The following ZNF292 variants were observed in gnomAD, a reference collection of about 807,000 sequenced individuals.
The protein encoded by ZNF292 is zinc finger protein 292.
In ZNF292, 26 loss-of-function variants were observed where a neutral mutation model predicts 217.9. The observed-to-expected ratio is 0.12, with a 90% CI of 0.09 to 0.17. ZNF292 has a LOEUF of 0.17. ZNF292 is among the 10% of genes least tolerant of loss of function. The pLI, the probability that ZNF292 is intolerant of heterozygous loss-of-function variation, is 1.00. For missense variants in ZNF292, 2,904 were observed against 3,175.2 expected, an observed-to-expected ratio of 0.91 and a Z score of 2.05; for synonymous variants, 1,257 against 1,124.1, an observed-to-expected ratio of 1.12 and a Z score of -2.37.
At chr6:87,160,181 AT>A (rs1420160316) in intron 1 of ZNF292, among the ~76,000 whole-genome samples, 1 of 152,218 alleles carries the variant, frequency 6.6e-6, no homozygotes, top group Non-Finnish European at 1.5e-5. Flanking sequence ...TGATTTATAT[AT>A]TTTATCACTG....
In ZNF292 at chr6:87,258,419, A is replaced by C. The variant is rs1463178574; in HGVS notation, c.4790A>C (p.Gln1597Pro). 6.2e-7 allele frequency: 1 copy of C among 1,613,720 alleles called. No individual in the cohort carries two copies. The highest frequency in any genetic ancestry group is 1.7e-5 in the Admixed American group (1 of 59,910). The part of the protein sequence containing the change: ...SSFPNSGGPS[Q>P]NFTSNSSRVS... Reference sequence around the variant, plus strand: ...TTTCCTAATTCTGGTGGGCCATCACAAAATTTTACCAGTAACAGTTCTCGT... The same window carrying C: ...TTTCCTAATTCTGGTGGGCCATCACCAAATTTTACCAGTAACAGTTCTCGT... Residue 1597 changes from glutamine to proline, a missense_variant, in exon 8 of 8, where the codon CAA becomes CCA. Transcript: ENST00000369577.
intron 1 of ZNF292, among the ~76,000 whole-genome samples, chr6:87,210,853 A>G (rs1772451938): frequency 2.6e-5 from 4 of 152,150 alleles, no homozygotes. Flanking sequence ...TCTCAGTGGG[A>G]GATCTTGGGT....
In ZNF292 at chr6:87,260,575, C is replaced by T. The variant is rs201424493; in HGVS notation, c.6946C>T (p.Arg2316Trp). 459 of 1,612,722 alleles carry T rather than the reference C, an allele frequency of 2.8e-4. No homozygotes were observed. The highest frequency in any genetic ancestry group is 3.5e-4 in the Non-Finnish European group (414 of 1,179,590). Residue 2316 changes from arginine to tryptophan, a missense_variant, in exon 8 of 8, where the codon CGG (arginine) becomes TGG (tryptophan). This residue lies in a region of ZNF292 where 101 missense variants were observed against 89.5 expected (regional missense o/e 1.13). Coordinates refer to ENST00000369577, the MANE Select transcript of ZNF292 (RefSeq NM_015021.3). ...CCAAGAAAAATCAAAGTCTAAACATCGGGGGACCAAGCACAGCAGATGTGG... is the reference window on the plus strand; with the variant it reads ...CCAAGAAAAATCAAAGTCTAAACATTGGGGGACCAAGCACAGCAGATGTGG... ...ANQEKSKSKH[R>W]GTKHSRCGKE...
intron 4 of ZNF292, among the ~76,000 whole-genome samples, chr6:87,227,401 T>G (rs557430691): frequency 2.2e-4 from 33 of 152,214 alleles, no homozygotes. Flanking sequence ...TGACCAACAA[T>G]GCTGAATTGT....
chr6:87,178,122 A>T (rs191845874), intron 1 of ZNF292, among the ~76,000 whole-genome samples: 1 of 152,046 alleles, frequency 6.6e-6, no homozygotes, highest in African/African-American at 2.4e-5. Context: ...CTACATTTTC[A>T]TTAGGCCTTC....
In ZNF292 at chr6:87,258,172, G is replaced by C. The variant is rs552459154; in HGVS notation, c.4543G>C (p.Gly1515Arg). Reference protein sequence around the residue: ...GAEMLSHVSTGCVSDASQVNA... With the variant: ...GAEMLSHVSTRCVSDASQVNA... ...CGAAATGCTTTCTCATGTTTCAACA[G>C]GTTGTGTCTCTGATGCATCACAAGT... Residue 1515 changes from glycine to arginine, a missense_variant, in exon 8 of 8, where the codon GGT (glycine) becomes CGT (arginine). Gly to Arg is a moderately radical substitution (Grantham distance 125, BLOSUM62 -2). Around this residue, in one of 15 missense-constraint regions of ZNF292, gnomAD observed 622 missense variants for 573.1 expected, o/e 1.09. Coordinates refer to ENST00000369577, the MANE Select transcript of ZNF292 (RefSeq NM_015021.3). 3.1e-6 allele frequency: 5 copies of C among 1,611,864 alleles called. No homozygotes were observed. The South Asian group carries it at 5.5e-5, about 18-fold the overall frequency.
chr6:87,209,000 C>A (rs1023345290), intron 1 of ZNF292, among the ~76,000 whole-genome samples: 8 of 152,036 alleles, frequency 5.3e-5, no homozygotes, highest in African/African-American at 1.9e-4. Context: ...AGTGGCAGTA[C>A]CTCGCTTGGG....
chr6:87,258,993 A>G lies in ZNF292; in HGVS notation c.5364A>G (p.Gln1788=), dbSNP rs1775402873. The change falls in exon 8 of 8, where the codon CAA becomes CAG. Residue 1788 remains glutamine (Q), a synonymous_variant. Transcript: ENST00000369577. Reference sequence around the variant, plus strand: ...CTGGTGAAACTTCACAAAATGCTCAAATAAATTATAACATTCAGCTTCCTT... The same window carrying G: ...CTGGTGAAACTTCACAAAATGCTCAGATAAATTATAACATTCAGCTTCCTT... ...QGAGETSQNA[Q]INYNIQLPSV... is the part of the protein sequence containing the mutation. 6 of 1,613,522 alleles carry G rather than the reference A, an allele frequency of 3.7e-6. No homozygotes were observed. The highest frequency in any genetic ancestry group is 4.2e-6 in the Non-Finnish European group (5 of 1,179,674).
chr6:87,160,491 A>ATGTGTGTGTGTG (rs1260142601), intron 1 of ZNF292, among the ~76,000 whole-genome samples: 14 of 146,322 alleles, frequency 9.6e-5, no homozygotes, highest in Admixed American at 2.7e-4. Flanking sequence ...TTGTATATAT[A>ATGTGTGTGTGTG]TGTGTGTGTG....
intron 7 of ZNF292, 61 bp downstream of exon 7, chr6:87,245,705 A>G (rs1181418239): frequency 9.2e-7 from 1 of 1,087,088 alleles, no homozygotes; most frequent in Non-Finnish European, 1.2e-6. Flanking sequence ...ATAAAAGACT[A>G]TAACTTTTAT....
chr6:87,229,600 AT>A (rs1773547162), intron 4 of ZNF292, among the ~76,000 whole-genome samples: 2 of 151,526 alleles, frequency 1.3e-5, no homozygotes, highest in African/African-American at 2.4e-5. Flanking sequence ...CTAATTTTGT[AT>A]TTTTAGTAGA....
At chr6:87,159,329 G>A (rs1770643184) in intron 1 of ZNF292, among the ~76,000 whole-genome samples, 1 of 151,906 alleles carries the variant, frequency 6.6e-6, no homozygotes, top group South Asian at 2.1e-4. Context: ...AGTAAGTAGA[G>A]GATGGGCATA....
intron 4 of ZNF292, among the ~76,000 whole-genome samples, chr6:87,227,493 T>C (rs1773416252): frequency 6.6e-6 from 1 of 152,162 alleles, no homozygotes; most frequent in Non-Finnish European, 1.5e-5. Flanking sequence ...TGTTTTTAAG[T>C]TTGGTAATGT....
At position 87,256,773 on chromosome 6, in the gene ZNF292, T is replaced by G. The variant is rs1480748156; in HGVS notation, c.3144T>G (p.Phe1048Leu). The G allele has an allele frequency of 1.2e-6, 2 of 1,612,806 alleles. No homozygotes were observed. Among genetic ancestry groups the G allele is most frequent in the Non-Finnish European group, 1.7e-6 (2 of 1,179,800 alleles). Residue 1048 changes from phenylalanine (F) to leucine (L), a missense_variant, in exon 8 of 8, where the codon TTT (phenylalanine) becomes TTG (leucine). Around this residue, in one of 15 missense-constraint regions of ZNF292, gnomAD observed 687 missense variants for 623.0 expected, o/e 1.10. Transcript: ENST00000369577. ...AFQNNLPTSK[F>L]ECGDNVKTSS... The stretch of plus-strand genomic sequence containing the variant: ...AAAACAATTTACCAACTTCCAAATT[T>G]GAATGTGGAGATAATGTTAAAACAT...
chr6:87,248,963 G>C lies in ZNF292; in HGVS notation c.1020+3319G>C, dbSNP rs577581432. Among the ~76,000 whole-genome samples, 237 of 152,244 alleles carry C rather than the reference G, an allele frequency of 1.6e-3. 1 individual carries two copies. Among genetic ancestry groups the C allele is most frequent in the African/African-American group, 5.5e-3 (227 of 41,518 alleles). On this transcript the variant is annotated intron_variant, in intron 7 of 7. Transcript: ENST00000369577. ...CCATGTTGCTAGTGGCAATCCTACT[G>C]GACAGCACAGATATAGAACATTCCT...
At chr6:87,245,683 ACATTAT>A in intron 7 of ZNF292, 39 bp downstream of exon 7, 1 of 1,268,142 alleles carries the variant, frequency 7.9e-7, no homozygotes, top group Non-Finnish European at 1.1e-6. Context: ...TAAAATGTGT[ACATTAT>A]CATTAATAAA....
At chr6:87,182,483 C>T (rs1407310113) in intron 1 of ZNF292, among the ~76,000 whole-genome samples, 2 of 152,218 alleles carry the variant, frequency 1.3e-5, no homozygotes, top group East Asian at 3.9e-4. Context: ...AGCACTCCTA[C>T]GCTTTTAGAG....
intron 4 of ZNF292, among the ~76,000 whole-genome samples, chr6:87,221,742 T>G (rs1444957155): frequency 6.6e-6 from 1 of 152,200 alleles, no homozygotes; most frequent in East Asian, 1.9e-4. Flanking sequence ...ATTATAAATC[T>G]ACAATCGTGA....
chr6:87,179,701 A>G (rs760095000), intron 1 of ZNF292, among the ~76,000 whole-genome samples: 3 of 152,198 alleles, frequency 2.0e-5, no homozygotes, highest in Non-Finnish European at 4.4e-5. Flanking sequence ...ACAATTTAAT[A>G]TACTTTTTTT....
Sources: gnomAD v4.1 joint callset for allele counts (sites outside exome capture counted in the v4.1 genomes callset) on GRCh38, gnomAD v4.1.1 for gene constraint, gnomAD v4.1.1 regional missense constraint, MANE v1.5 for transcripts, NCBI Gene and HGNC (gene_info 2026-07-23, HGNC 2026-07-21) for gene names.